The following CELSR1 variants were observed in gnomAD, a reference collection of about 807,000 sequenced individuals.
CELSR1 encodes adhesion G protein-coupled receptor C1.
A neutral mutation model predicts 249.1 loss-of-function variants in CELSR1; 110 were observed. The ratio of observed to expected loss-of-function variants is 0.44; its 90% CI spans 0.38 to 0.52. CELSR1 has a LOEUF of 0.52. Ranked by LOEUF, CELSR1 falls within the 20% of genes least tolerant of loss-of-function variation. The pLI, the probability that CELSR1 is intolerant of heterozygous loss-of-function variation, is 0.00. For synonymous variants in CELSR1, 2,113 were observed against 1,900.0 expected, an observed-to-expected ratio of 1.11 and a Z score of -2.92; for missense variants, 4,109 against 4,296.4, an observed-to-expected ratio of 0.96 and a Z score of 1.22.
At chr22:46,422,241 GATT>G (rs2079482536) in intron 5 of CELSR1, among the ~76,000 whole-genome samples, 1 of 151,994 alleles carries the variant, frequency 6.6e-6, no homozygotes, top group Non-Finnish European at 1.5e-5. Flanking sequence ...GAGTAGCTGA[GATT>G]ATGGGCACCT....
At position 46,363,777 on chromosome 22, in the gene CELSR1, G is replaced by A. The variant is rs79957953; in HGVS notation, c.9035+219C>T. ...CAGGGCTTCAGAGTCCCAGAGGCCT[G>A]AGACGTGTCCCCAGGATAGGGGGTC... On this transcript the variant is annotated intron_variant, in intron 34 of 34. Transcript: ENST00000674500. The surrounding 1 kb of genome is among the most constrained non-coding windows in gnomAD (Gnocchi z 4.3). 26,301 of 614,224 alleles carry A rather than the reference G, an allele frequency of 0.043. 666 individuals are homozygous for A. The highest frequency in any genetic ancestry group is 0.055 in the Non-Finnish European group (20,410 of 368,666). 38.0% of individuals were successfully genotyped at this position (614,224 alleles called of 1,614,324 possible). A position where few individuals can be genotyped will look rare whatever the true frequency, so the allele number is the denominator to read the frequency against.
In CELSR1 at chr22:46,390,552, A is replaced by C; in HGVS notation, c.6251-66T>G. 2 of 1,295,624 alleles carry C rather than the reference A, an allele frequency of 1.5e-6. No homozygotes were observed. The highest frequency in any genetic ancestry group is 2.2e-6 in the Non-Finnish European group (2 of 906,768). 80.3% of individuals were successfully genotyped at this position (1,295,624 alleles called of 1,614,324 possible). On this transcript the variant is annotated intron_variant, in intron 16 of 34. Coordinates refer to ENST00000674500, the MANE Select transcript of CELSR1 (RefSeq NM_001378328.1). The surrounding 1 kb of genome is among the most constrained non-coding windows in gnomAD (Gnocchi z 6.3). ...CTGTTGATCAATGCTTGTGTATTTC[A>C]ATCCACAATCTGAATATACTTAAAC...
intron 1 of CELSR1, 145 bp downstream of exon 1, chr22:46,533,482 C>G: frequency 8.0e-7 from 1 of 1,247,264 alleles, no homozygotes. Flanking sequence ...CCCCCAGCAT[C>G]CAACCGGCGG....
chr22:46,469,991 G>GGAGGGAGGAGGAGGGGAGA (rs1569186663), intron 1 of CELSR1, among the ~76,000 whole-genome samples: 1 of 115,772 alleles, frequency 8.6e-6, no homozygotes, highest in Non-Finnish European at 1.9e-5. Context: ...AGGAGGGGAG[G>GGAGGGAGGAGGAGGGGAGA]GAGGGAGGGA....
Position 46,410,545 on chromosome 22 carries a change from C to T in CELSR1, c.4786G>A (p.Gly1596Ser), listed in dbSNP as rs753141939. The part of the protein sequence containing the change: ...TGSKKSLDLT[G>S]PLLLGGVPNL... ...GGGACACCCCCCAGGAGTAGAGGGC[C>T]GGTCAGATCCAGGGACCTGGGTAGG... is the stretch of plus-strand genomic sequence containing the variant. The change falls in exon 7 of 35, where the codon GGC becomes AGC. Residue 1596 changes from glycine to serine, a missense_variant. Gly to Ser is a moderately conservative substitution (Grantham distance 56, BLOSUM62 0). Coordinates refer to ENST00000674500, the MANE Select transcript of CELSR1 (RefSeq NM_001378328.1). The surrounding 1 kb of genome is among the most constrained non-coding windows in gnomAD (Gnocchi z 6.8). 16 of 1,613,770 alleles carry T rather than the reference C, an allele frequency of 9.9e-6. No homozygotes were observed. The highest frequency in any genetic ancestry group is 2.2e-5 in the South Asian group (2 of 91,082).
rs774719206 is a variant in CELSR1, at chr22:46,367,831, G to A, written c.7977C>T (p.Leu2659=). ...GIVSLLRTAF[L]LLLLISATWL... ...AGGTGGCGCTGATGAGCAGCAGCAG[G>A]AGGAATGCGGTCCTCAGCAGGGAGC... Residue 2659 remains leucine, a synonymous_variant, in exon 28 of 35, where the codon CTC becomes CTT. Transcript: ENST00000674500. 4 of 1,611,350 alleles carry A rather than the reference G, an allele frequency of 2.5e-6. No homozygotes were observed. The highest frequency in any genetic ancestry group is 3.4e-6 in the Non-Finnish European group (4 of 1,179,694).
chr22:46,458,931 C>T (rs1226689843), intron 2 of CELSR1, among the ~76,000 whole-genome samples: 2 of 152,084 alleles, frequency 1.3e-5, no homozygotes, highest in East Asian at 1.9e-4. Context: ...CTCACTCTGT[C>T]GCCCAGGCTG....
intron 1 of CELSR1, among the ~76,000 whole-genome samples, chr22:46,509,857 G>A (rs955772848): frequency 2.0e-5 from 3 of 152,130 alleles, no homozygotes; most frequent in African/African-American, 7.2e-5. Flanking sequence ...CAGGGACCCG[G>A]CACACAGGTG....
intron 1 of CELSR1, among the ~76,000 whole-genome samples, chr22:46,505,356 G>A (rs2064264): frequency 0.76 from 115,293 of 151,562 alleles, 44,430 homozygotes; most frequent in East Asian, 0.98. Flanking sequence ...CTTGCAAACC[G>A]GGCGCGGTGG....
At chr22:46,377,344 A>T in intron 23 of CELSR1, 83 bp from the exon 24 acceptor site, 2 of 1,401,374 alleles carry the variant, frequency 1.4e-6, no homozygotes, top group Non-Finnish European at 2.0e-6. Context: ...GATAAATTAC[A>T]CACTTGCTTA....
chr22:46,453,456 G>A (rs927900867), intron 2 of CELSR1, among the ~76,000 whole-genome samples: 3 of 152,130 alleles, frequency 2.0e-5, no homozygotes, highest in Non-Finnish European at 1.5e-5. Context: ...TGGAGTTGGG[G>A]GTCACGAACT....
rs975347561 is a variant in CELSR1, at chr22:46,406,802, A to C, written c.5226+2194T>G. Reference sequence around the variant, plus strand: ...GAGCTTGGAGCAGGCACTCCGTAAAATCCATCTCACCTCTCACCATCTGAC... The same window carrying C: ...GAGCTTGGAGCAGGCACTCCGTAAACTCCATCTCACCTCTCACCATCTGAC... On this transcript the variant is annotated intron_variant, in intron 9 of 34. Coordinates refer to ENST00000674500, the MANE Select transcript of CELSR1 (RefSeq NM_001378328.1). The surrounding 1 kb of genome is among the most constrained non-coding windows in gnomAD (Gnocchi z 5.4). Among the ~76,000 whole-genome samples the C allele has an allele frequency of 1.3e-5, 2 of 152,066 alleles. No homozygotes were observed. The highest frequency in any genetic ancestry group is 4.8e-5 in the African/African-American group (2 of 41,392).
At chr22:46,466,110 A>AGAGGGCGTCCGCAGAGCCCAGAGGCAGAG (rs1399529336) in intron 1 of CELSR1, among the ~76,000 whole-genome samples, 1 of 152,230 alleles carries the variant, frequency 6.6e-6, no homozygotes, top group Non-Finnish European at 1.5e-5. Context: ...GGAGCAGCCC[A>AGAGGGCGTCCGCAGAGCCCAGAGGCAGAG]GAGGGCGTCC....
intron 2 of CELSR1, among the ~76,000 whole-genome samples, chr22:46,459,006 C>T (rs772271388): frequency 6.6e-6 from 1 of 152,140 alleles, no homozygotes; most frequent in Non-Finnish European, 1.5e-5. Context: ...GATTCTCCTG[C>T]TTCAGCCTCC....
At chr22:46,511,154 C>T (rs2080569572) in intron 1 of CELSR1, among the ~76,000 whole-genome samples, 1 of 152,028 alleles carries the variant, frequency 6.6e-6, no homozygotes, top group Non-Finnish European at 1.5e-5. Flanking sequence ...TCACAAAGTG[C>T]TGGTTTTCTT....
At chr22:46,365,148 G>A in intron 32 of CELSR1, 83 bp downstream of exon 32, 4 of 1,504,998 alleles carry the variant, frequency 2.7e-6, no homozygotes, top group South Asian at 2.6e-5. Flanking sequence ...TATCCTGGGA[G>A]GAAGGGACCC....
chr22:46,503,538 G>C (rs1013223394), intron 1 of CELSR1, among the ~76,000 whole-genome samples: 1 of 152,236 alleles, frequency 6.6e-6, no homozygotes, highest in Non-Finnish European at 1.5e-5. Context: ...TGCATCCAGC[G>C]AGAGGAAGCC....
At chr22:46,425,333 A>C (rs1261887373) in intron 5 of CELSR1, among the ~76,000 whole-genome samples, 9 of 152,140 alleles carry the variant, frequency 5.9e-5, no homozygotes, top group Non-Finnish European at 1.2e-4. Flanking sequence ...AGTGCTCTCT[A>C]TTTTCTGGAA....
At chr22:46,505,478 A>G (rs1602222082) in intron 1 of CELSR1, among the ~76,000 whole-genome samples, 1 of 151,816 alleles carries the variant, frequency 6.6e-6, no homozygotes, top group African/African-American at 2.4e-5. Context: ...TATAAACAAT[A>G]CAAAAGTGAG....
Sources: allele counts gnomAD v4.1 joint callset (sites outside exome capture counted in the v4.1 genomes callset), GRCh38; gene constraint gnomAD v4.1.1; non-coding constraint Gnocchi (gnomAD v3.1); transcripts MANE v1.5; gene names NCBI Gene and HGNC (gene_info 2026-07-23, HGNC 2026-07-21).